The following GRIP1 variants were observed in gnomAD, a reference collection of about 807,000 sequenced individuals.
GRIP1 encodes the protein glutamate receptor interacting protein 1.
A neutral mutation model predicts 129.9 loss-of-function variants in GRIP1; 45 were observed. The observed-to-expected ratio is 0.35, with a 90% CI of 0.27 to 0.44. The LOEUF is 0.44. Among genes scored for constraint, GRIP1 ranks in the 20% least tolerant of loss-of-function variants. The pLI is 1.00. For synonymous variants in GRIP1, 530 were observed against 520.8 expected (o/e 1.02, Z -0.24); for missense variants, 1,196 against 1,396.8 (o/e 0.86, Z 2.29).
chr12:66,495,568 T>TC (rs1038036693), intron 7 of GRIP1, among the ~76,000 whole-genome samples: 5 of 152,160 alleles, frequency 3.3e-5, no homozygotes, highest in African/African-American at 9.7e-5. Flanking sequence ...AACTTTTTTT[T>TC]CCCACAGGTG....
intron 23 of GRIP1, among the ~76,000 whole-genome samples, chr12:66,354,549 C>T (rs777922693): frequency 1.4e-4 from 22 of 152,252 alleles, no homozygotes; most frequent in Admixed American, 9.8e-4. Context: ...TTTGAGGGGG[C>T]CACGGGTTTT....
intron 1 of GRIP1, among the ~76,000 whole-genome samples, chr12:66,646,170 T>C (rs1385065089): frequency 1.3e-5 from 2 of 152,240 alleles, no homozygotes; most frequent in Non-Finnish European, 2.9e-5. Context: ...ACTCTTGGAA[T>C]CCTTGCTAAT....
At chr12:66,388,779 A>T (rs910107381) in intron 19 of GRIP1, among the ~76,000 whole-genome samples, 1 of 152,210 alleles carries the variant, frequency 6.6e-6, no homozygotes, top group Non-Finnish European at 1.5e-5. Context: ...TTCACTAACG[A>T]AGTGATAGGG....
At chr12:66,736,877 A>G (rs2036619229) in intron 1 of GRIP1, among the ~76,000 whole-genome samples, 1 of 152,114 alleles carries the variant, frequency 6.6e-6, no homozygotes, top group Admixed American at 6.6e-5. Flanking sequence ...TGCAAATTGA[A>G]TATACATCAG....
chr12:66,999,476 A>C (rs1236694936), intron 1 of GRIP1, among the ~76,000 whole-genome samples: 1 of 152,178 alleles, frequency 6.6e-6, no homozygotes, highest in Non-Finnish European at 1.5e-5. Flanking sequence ...GCCTCTCTAT[A>C]TAATAAACGC....
chr12:66,804,350 G>A (rs2038942586), upstream of GRIP1, among the ~76,000 whole-genome samples: 2 of 151,952 alleles, frequency 1.3e-5, no homozygotes, highest in African/African-American at 2.4e-5. Flanking sequence ...TTTGGCCATC[G>A]GAGGGGAAAG....
chr12:66,543,159 G>C (rs1251223108), intron 2 of GRIP1, among the ~76,000 whole-genome samples: 3 of 152,082 alleles, frequency 2.0e-5, no homozygotes, highest in Non-Finnish European at 4.4e-5. Context: ...AGAGTACTTG[G>C]GGGAAGAAGG....
chr12:66,449,357 G>A lies in GRIP1; in HGVS notation c.1355-3849C>T, dbSNP rs78876162. 6.1e-3 allele frequency among the ~76,000 whole-genome samples: 930 copies of A among 152,196 alleles called. 12 individuals are homozygous for A. The highest frequency in any genetic ancestry group is 0.021 in the African/African-American group (888 of 41,514). On this transcript the variant is annotated intron_variant, in intron 11 of 24. Transcript: ENST00000359742. ...ATAGATGCTGCTGAGTTACCATAAG[G>A]AACTACAAGTCATTCTTCAGGGCCC...
At chr12:66,714,807 G>A (rs960044824) in intron 1 of GRIP1, among the ~76,000 whole-genome samples, 11 of 151,576 alleles carry the variant, frequency 7.3e-5, no homozygotes, top group Admixed American at 7.3e-4. Context: ...TGGGGAGTCA[G>A]CCTTGATTCA....
At chr12:66,677,594 T>C (rs1199437515) in intron 1 of GRIP1, among the ~76,000 whole-genome samples, 1 of 152,190 alleles carries the variant, frequency 6.6e-6, no homozygotes, top group African/African-American at 2.4e-5. Context: ...CTCCTGCTAA[T>C]AGCCTAATTT....
Position 66,962,684 on chromosome 12 carries a change from T to G in GRIP1, c.58+106366A>C, listed in dbSNP as rs374523732. On this transcript the variant is annotated intron_variant, in intron 1 of 1. Coordinates refer to the GRIP1 transcript ENST00000643019. The stretch of plus-strand genomic sequence containing the variant: ...ACTTTTAAATATTCGAGGTCCTAAA[T>G]AAAGATCCGTCTCAAAACAAAAAAG... Among the ~76,000 whole-genome samples the G allele has an allele frequency of 9.2e-5, 14 of 152,172 alleles. No individual in the cohort carries two copies. In the South Asian group the frequency reaches 2.9e-3, roughly 32 times the overall value.
intron 1 of GRIP1, among the ~76,000 whole-genome samples, chr12:66,765,064 G>A (rs7134000): frequency 0.49 from 74,244 of 151,844 alleles, 18,546 homozygotes; most frequent in Middle Eastern, 0.68. Context: ...TTTACTTGCA[G>A]CTTCAACAGA....
intron 1 of GRIP1, among the ~76,000 whole-genome samples, chr12:67,014,895 C>G (rs1448010881): frequency 1.3e-5 from 2 of 152,092 alleles, no homozygotes; most frequent in Non-Finnish European, 2.9e-5. Flanking sequence ...AAAATCAAAC[C>G]ACTTTTAGTG....
chr12:67,036,808 G>A (rs1016534862), intron 1 of GRIP1, among the ~76,000 whole-genome samples: 2 of 151,990 alleles, frequency 1.3e-5, no homozygotes, highest in East Asian at 1.9e-4. Flanking sequence ...ATCAAGTCCT[G>A]AAGACTTGAC....
intron 6 of GRIP1, among the ~76,000 whole-genome samples, chr12:66,517,287 A>G (rs1234370423): frequency 6.6e-6 from 1 of 152,180 alleles, no homozygotes; most frequent in Non-Finnish European, 1.5e-5. Context: ...GGCCCTAATT[A>G]TAACAGGAAA....
intron 11 of GRIP1, among the ~76,000 whole-genome samples, chr12:66,451,121 G>C (rs954208637): frequency 6.6e-6 from 1 of 152,094 alleles, no homozygotes. Flanking sequence ...TTCAGGATTC[G>C]TTCCTGCTCT....
At chr12:66,581,087 A>G (rs2063358607) in intron 2 of GRIP1, among the ~76,000 whole-genome samples, 1 of 152,258 alleles carries the variant, frequency 6.6e-6, no homozygotes, top group South Asian at 2.1e-4. Context: ...ACTAGAACTC[A>G]GGATTAAGTA....
intron 1 of GRIP1, among the ~76,000 whole-genome samples, chr12:66,650,861 A>C (rs1388481973): frequency 6.6e-6 from 1 of 152,196 alleles, no homozygotes; most frequent in Non-Finnish European, 1.5e-5. Context: ...CTGACACCAC[A>C]CTGACCAGCT....
chr12:66,570,800 T>C (rs368576825), intron 2 of GRIP1, among the ~76,000 whole-genome samples: 1 of 152,184 alleles, frequency 6.6e-6, no homozygotes, highest in East Asian at 1.9e-4. Context: ...TCAAATTGTA[T>C]AAACTTGAGG....
Sources: gnomAD v4.1 joint callset for allele counts (sites outside exome capture counted in the v4.1 genomes callset) on GRCh38, gnomAD v4.1.1 for gene constraint, MANE v1.5 for transcripts, NCBI Gene and HGNC (gene_info 2026-07-23, HGNC 2026-07-21) for gene names.